Variants in ZEB1 observed in about 807,000 individuals in gnomAD.
ZEB1 encodes the protein zinc finger E-box binding homeobox 1, also known as zinc finger E-box-binding homeobox 1.
ZEB1 carries 21 observed loss-of-function variants against 84.9 expected under a neutral mutation model. The ratio of observed to expected loss-of-function variants is 0.25; its 90% CI spans 0.18 to 0.36. The LOEUF is 0.36. Among genes scored for constraint, ZEB1 ranks in the 10% least tolerant of loss-of-function variants. ZEB1 has a pLI of 1.00. For missense variants in ZEB1, 1,104 were observed against 1,330.2 expected, an observed-to-expected ratio of 0.83 and a Z score of 2.65; for synonymous variants, 420 against 471.1, an observed-to-expected ratio of 0.89 and a Z score of 1.41.
chr10:31,348,422 G>A (rs953614466), intron 1 of ZEB1, among the ~76,000 whole-genome samples: 5 of 152,004 alleles, frequency 3.3e-5, no homozygotes, highest in African/African-American at 1.2e-4. Context: ...AAATTAGCCG[G>A]GTGTGGTGGC....
At chr10:31,325,432 A>C (rs375237731) in intron 1 of ZEB1, among the ~76,000 whole-genome samples, 5 of 152,030 alleles carry the variant, frequency 3.3e-5, no homozygotes, top group Admixed American at 2.0e-4. Flanking sequence ...CCCTCTATAC[A>C]TAGGGATTGC....
intron 1 of ZEB1, among the ~76,000 whole-genome samples, chr10:31,396,431 GA>G (rs2050741435): frequency 6.6e-6 from 1 of 152,140 alleles, no homozygotes; most frequent in Non-Finnish European, 1.5e-5. Flanking sequence ...TATCAAAAAA[GA>G]AATGATGGAA....
intron 1 of ZEB1, among the ~76,000 whole-genome samples, chr10:31,347,885 A>G (rs1241308069): frequency 6.6e-6 from 1 of 152,324 alleles, no homozygotes; most frequent in East Asian, 1.9e-4. Context: ...CAAAGATTTT[A>G]TCAGTTGTAT....
At chr10:31,427,021 C>T (rs1390431703) in intron 1 of ZEB1, among the ~76,000 whole-genome samples, 1 of 151,520 alleles carries the variant, frequency 6.6e-6, no homozygotes, top group Non-Finnish European at 1.5e-5. Flanking sequence ...AGGAAAATAC[C>T]ATTTGCATCA....
In ZEB1 at chr10:31,362,992, G is replaced by T. The variant is rs1374471352; in HGVS notation, c.58+43700G>T. The T allele has an allele frequency of 3.3e-6, 5 of 1,533,048 alleles. No individual in the cohort carries two copies. The African/African-American group carries it at 6.9e-5, about 21-fold the overall frequency. The allele number at this position is 1,533,048 out of a possible 1,614,324, so 95.0% of individuals were successfully genotyped here. A position where few individuals can be genotyped will look rare whatever the true frequency, so the allele number is the denominator to read the frequency against. On this transcript the variant is annotated intron_variant, in intron 1 of 8. Transcript: ENST00000424869. ...CTCAGGAGATAGACATGGAAGCTTT[G>T]CCGGTGGGGGCCGCTCGTCTCTATC... is the stretch of plus-strand genomic sequence containing the variant.
intron 1 of ZEB1, among the ~76,000 whole-genome samples, chr10:31,418,380 G>A (rs1465200962): frequency 1.3e-5 from 2 of 151,988 alleles, no homozygotes; most frequent in African/African-American, 2.4e-5. Context: ...TTGTTTGGAC[G>A]GAGTGGATGG....
intron 1 of ZEB1, chr10:31,387,379 G>T: frequency 1.1e-6 from 1 of 891,368 alleles, no homozygotes; most frequent in Non-Finnish European, 1.3e-6. Flanking sequence ...CAGAAGGGAG[G>T]CCCTACCTGT....
intron 2 of ZEB1, among the ~76,000 whole-genome samples, chr10:31,492,854 T>C (rs2066722361): frequency 6.6e-6 from 1 of 151,976 alleles, no homozygotes; most frequent in African/African-American, 2.4e-5. Context: ...TTTCATCTTA[T>C]GACTAAAAAG....
chr10:31,439,675 G>A (rs913692881), intron 1 of ZEB1, among the ~76,000 whole-genome samples: 2 of 151,992 alleles, frequency 1.3e-5, no homozygotes, highest in East Asian at 1.9e-4. Context: ...TGCAATGGGG[G>A]TGGGGGTGGT....
chr10:31,398,967 G>A (rs1268663662), intron 1 of ZEB1, among the ~76,000 whole-genome samples: 2 of 150,282 alleles, frequency 1.3e-5, no homozygotes, highest in Non-Finnish European at 3.0e-5. Flanking sequence ...TCATCCATTT[G>A]CTAATGATCA....
chr10:31,514,668 A>G lies in ZEB1; in HGVS notation c.753A>G (p.Lys251=). 1 of 1,612,834 alleles carries G rather than the reference A, an allele frequency of 6.2e-7. No individual in the cohort carries two copies. Among genetic ancestry groups the G allele is most frequent in the Non-Finnish European group, 8.5e-7 (1 of 1,179,100 alleles). The change falls in exon 6 of 9, where the codon AAA becomes AAG. Residue 251 remains lysine, a synonymous_variant. Coordinates refer to ENST00000424869, the MANE Select transcript of ZEB1 (RefSeq NM_001174096.2). ...FKCTECGKAF[K]YKHHLKEHLR... is the part of the protein sequence containing the mutation. ...GCACTGAGTGTGGAAAAGCTTTCAA[A>G]TACAAACATCACCTAAAAGAGCACT... is the stretch of plus-strand genomic sequence containing the variant.
At chr10:31,341,571 C>T (rs1209655498) in intron 1 of ZEB1, among the ~76,000 whole-genome samples, 2 of 152,040 alleles carry the variant, frequency 1.3e-5, no homozygotes, top group Non-Finnish European at 2.9e-5. Flanking sequence ...GAACTTGATG[C>T]TGTGGGATAT....
chr10:31,362,781 G>T (rs1462485091), intron 1 of ZEB1: 1 of 682,644 alleles, frequency 1.5e-6, no homozygotes, highest in Non-Finnish European at 2.6e-6. Context: ...GCCCGCCTGG[G>T]CCTCCCAAAG....
At chr10:31,506,040 CA>C (rs1400242961) in intron 4 of ZEB1, among the ~76,000 whole-genome samples, 1 of 151,872 alleles carries the variant, frequency 6.6e-6, no homozygotes, top group African/African-American at 2.4e-5. Context: ...TATTCAAAAG[CA>C]TGTTGTTTAA....
chr10:31,524,277 A>G (rs193006621), intron 8 of ZEB1, among the ~76,000 whole-genome samples, 164 bp downstream of exon 8: 91 of 151,660 alleles, frequency 6.0e-4, no homozygotes, highest in African/African-American at 1.2e-3. Flanking sequence ...GTGGCACGCA[A>G]TCTCAATCTC....
chr10:31,451,994 TA>T (rs1258828558), intron 1 of ZEB1, among the ~76,000 whole-genome samples: 1 of 152,162 alleles, frequency 6.6e-6, no homozygotes. Flanking sequence ...TTCATTCTAT[TA>T]ATAGCATGTA....
chr10:31,364,672 G>A (rs188647149), intron 1 of ZEB1, among the ~76,000 whole-genome samples: 2,355 of 152,312 alleles, frequency 0.015, 56 homozygotes, highest in African/African-American at 0.053. Flanking sequence ...CTCCCTGGCA[G>A]GCAGGGTCTC....
chr10:31,415,289 A>G (rs2055016603), intron 1 of ZEB1, among the ~76,000 whole-genome samples: 1 of 152,124 alleles, frequency 6.6e-6, no homozygotes, highest in Admixed American at 6.6e-5. Context: ...TTAAGCAAGG[A>G]TGATACCCTA....
chr10:31,490,874 A>G (rs756665393), intron 2 of ZEB1, among the ~76,000 whole-genome samples: 1 of 151,812 alleles, frequency 6.6e-6, no homozygotes, highest in Non-Finnish European at 1.5e-5. Context: ...CAATTTATCC[A>G]GTTGTATTCG....
Sources: gnomAD v4.1 joint callset for allele counts (sites outside exome capture counted in the v4.1 genomes callset) on GRCh38, gnomAD v4.1.1 for gene constraint, MANE v1.5 for transcripts, NCBI Gene and HGNC (gene_info 2026-07-23, HGNC 2026-07-21) for gene names.